Variants in REEP3 observed in about 807,000 individuals in gnomAD.
REEP3 encodes the protein receptor expression-enhancing protein 3.
Under a neutral mutation model 41.3 loss-of-function variants are expected in REEP3, and 20 were observed. The ratio of observed to expected loss-of-function variants is 0.48; its 90% CI spans 0.34 to 0.70. The LOEUF (loss-of-function observed/expected upper bound fraction) is 0.70. Ranked by LOEUF, REEP3 falls within the 30% of genes least tolerant of loss-of-function variation. The probability of loss-of-function intolerance (pLI) is 0.01; values close to 1 mark genes in which losing one functional copy is unlikely to be tolerated. For missense variants in REEP3, 271 were observed against 308.8 expected (o/e 0.88, Z 0.92); for synonymous variants, 104 against 101.8 (o/e 1.02, Z -0.13).
Position 63,620,818 on chromosome 10 carries a change from G to T in REEP3, c.717G>T (p.Arg239=). ...TAAAACATTTCTCTCTTCAGGTGCG[G>T]TACGGGTCACTAAAATACAAAGTGA... ...VKTTKGRKEV[R]YGSLKYKVKK... is the part of the protein sequence containing the mutation. The change falls in exon 8 of 8, where the codon CGG becomes CGT. Residue 239 remains arginine (R), a synonymous_variant. Coordinates refer to ENST00000373758, the MANE Select transcript of REEP3 (RefSeq NM_001001330.3). 6.2e-7 allele frequency: 1 copy of T among 1,602,422 alleles called. No homozygotes were observed. The highest frequency in any genetic ancestry group is 8.5e-7 in the Non-Finnish European group (1 of 1,171,896).
chr10:63,595,874 A>G (rs1392545456), intron 3 of REEP3, among the ~76,000 whole-genome samples: 1 of 152,216 alleles, frequency 6.6e-6, no homozygotes, highest in Middle Eastern at 3.2e-3. Flanking sequence ...CATTGCACCC[A>G]GCTAAAATGA....
chr10:63,579,045 G>C (rs57164705), intron 2 of REEP3, among the ~76,000 whole-genome samples: 3,160 of 147,552 alleles, frequency 0.021, 111 homozygotes, highest in African/African-American at 0.073. Context: ...TTTTTTTGGG[G>C]GGGGGGAGAT....
intron 1 of REEP3, chr10:63,521,792 G>A (rs1423772602): frequency 3.1e-5 from 10 of 318,524 alleles, no homozygotes; most frequent in African/African-American, 4.4e-5. Flanking sequence ...TAGCTGCGGC[G>A]ACTGCGGCTG....
intron 2 of REEP3, among the ~76,000 whole-genome samples, chr10:63,577,482 G>C (rs1331368837): frequency 6.6e-6 from 1 of 152,058 alleles, no homozygotes; most frequent in Admixed American, 6.5e-5. Context: ...GGAGTGCAGT[G>C]GTGCCATCAT....
At position 63,598,140 on chromosome 10, in the gene REEP3, A is replaced by G; in HGVS notation, c.299A>G (p.Glu100Gly). 6.3e-7 allele frequency: 1 copy of G among 1,581,374 alleles called. No individual in the cohort carries two copies. The highest frequency in any genetic ancestry group is 8.7e-7 in the Non-Finnish European group (1 of 1,152,602). Residue 100 changes from glutamate (E) to glycine (G), a missense_variant, in exon 4 of 8, where the codon GAA becomes GGA. By Grantham distance (98) the Glu-to-Gly change is moderately conservative. Coordinates refer to ENST00000373758, the MANE Select transcript of REEP3 (RefSeq NM_001001330.3). ...KFLHPLLSSK[E>G]REIDDYIVQA... ...CTTCATCCACTTCTTTCTTCAAAGG[A>G]AAGGGTAAGATATATAAATTACTTC...
intron 1 of REEP3, among the ~76,000 whole-genome samples, chr10:63,523,038 C>T (rs1457473834): frequency 6.8e-6 from 1 of 147,592 alleles, no homozygotes; most frequent in Admixed American, 6.7e-5. Flanking sequence ...AAAAAAAAAG[C>T]CTCTGGATTT....
intron 1 of REEP3, among the ~76,000 whole-genome samples, chr10:63,523,019 A>C (rs1955304929): frequency 1.3e-5 from 1 of 75,316 alleles, no homozygotes; most frequent in Admixed American, 1.2e-4. Flanking sequence ...GCTGTACTTT[A>C]CAAAAAAAAA....
intron 2 of REEP3, among the ~76,000 whole-genome samples, chr10:63,589,760 T>C (rs528199097): frequency 6.7e-6 from 1 of 149,076 alleles, no homozygotes; most frequent in South Asian, 2.2e-4. Flanking sequence ...CTAGGACGTC[T>C]AATGTACTAA....
At chr10:63,552,014 A>T (rs569087649) in intron 1 of REEP3, among the ~76,000 whole-genome samples, 11 of 152,292 alleles carry the variant, frequency 7.2e-5, no homozygotes, top group African/African-American at 2.4e-4. Context: ...ATTTTAAAAG[A>T]GTAAGTGGCC....
intron 5 of REEP3, chr10:63,605,979 G>A (rs954498710): frequency 3.9e-6 from 1 of 258,764 alleles, no homozygotes; most frequent in South Asian, 1.5e-4. Flanking sequence ...AGTGCCAGCT[G>A]AAGTTCAGAT....
At chr10:63,566,164 G>T (rs904803656) in intron 1 of REEP3, among the ~76,000 whole-genome samples, 174 bp from the exon 2 acceptor site, 2 of 152,072 alleles carry the variant, frequency 1.3e-5, no homozygotes, top group Non-Finnish European at 2.9e-5. Context: ...GATTACAGGC[G>T]TGAGCCACTG....
At chr10:63,593,269 C>G (rs1956082455) in intron 2 of REEP3, among the ~76,000 whole-genome samples, 1 of 152,110 alleles carries the variant, frequency 6.6e-6, no homozygotes, top group South Asian at 2.1e-4. Context: ...ATATAAGGAC[C>G]TAAATTTTTT....
At chr10:63,524,931 G>C (rs1184305786) in intron 1 of REEP3, among the ~76,000 whole-genome samples, 1 of 151,626 alleles carries the variant, frequency 6.6e-6, no homozygotes, top group African/African-American at 2.4e-5. Context: ...AGAATCACTT[G>C]AACCCTGGAG....
At chr10:63,596,837 G>A (rs944703184) in intron 3 of REEP3, among the ~76,000 whole-genome samples, 3 of 152,110 alleles carry the variant, frequency 2.0e-5, no homozygotes, top group Non-Finnish European at 4.4e-5. Context: ...GAGTGCAATG[G>A]CATGATGATA....
chr10:63,550,275 A>T (rs977854071), intron 1 of REEP3, among the ~76,000 whole-genome samples: 1 of 152,228 alleles, frequency 6.6e-6, no homozygotes, highest in African/African-American at 2.4e-5. Context: ...GAAGAATCTC[A>T]TGTTGGATGT....
chr10:63,615,746 A>G (rs1369491205), intron 6 of REEP3, among the ~76,000 whole-genome samples: 1 of 151,288 alleles, frequency 6.6e-6, no homozygotes, highest in East Asian at 2.0e-4. Context: ...GGGTTTTGCC[A>G]TATTGGCCAG....
At chr10:63,616,667 G>A (rs919116406) in intron 6 of REEP3, among the ~76,000 whole-genome samples, 1 of 152,150 alleles carries the variant, frequency 6.6e-6, no homozygotes, top group African/African-American at 2.4e-5. Flanking sequence ...TTGTTGAACT[G>A]TGCTCTTATG....
intron 1 of REEP3, among the ~76,000 whole-genome samples, chr10:63,545,615 C>T (rs1301965880): frequency 6.6e-6 from 1 of 151,852 alleles, no homozygotes; most frequent in Non-Finnish European, 1.5e-5. Flanking sequence ...CCTCGTGATC[C>T]ACCCACCTCG....
intron 1 of REEP3, among the ~76,000 whole-genome samples, chr10:63,541,033 A>G (rs963604784): frequency 6.6e-6 from 1 of 152,194 alleles, no homozygotes; most frequent in African/African-American, 2.4e-5. Context: ...GGAGAGTTTT[A>G]GATTTCTTTA....
Sources: allele counts gnomAD v4.1 joint callset (sites outside exome capture counted in the v4.1 genomes callset), GRCh38; gene constraint gnomAD v4.1.1; transcripts MANE v1.5; gene names NCBI Gene and HGNC (gene_info 2026-07-23, HGNC 2026-07-21).